Variants in STRBP observed in about 807,000 individuals in gnomAD.
The protein encoded by STRBP is spermatid perinuclear RNA-binding protein.
In STRBP, 13 loss-of-function variants were observed where a neutral mutation model predicts 80.1. The ratio of observed to expected loss-of-function variants is 0.16; its 90% CI spans 0.11 to 0.26. STRBP has a LOEUF of 0.26. STRBP is among the 10% of genes least tolerant of loss of function. The pLI is 1.00. For synonymous variants in STRBP, 284 were observed against 291.2 expected, an observed-to-expected ratio of 0.98 and a Z score of 0.25; for missense variants, 485 against 815.2, an observed-to-expected ratio of 0.59 and a Z score of 4.93.
rs150624298 is a variant in STRBP, at chr9:123,136,438, G to C, written c.1575C>G (p.Leu525=). Residue 525 remains leucine, a synonymous_variant, in exon 15 of 19, where the codon CTC becomes CTG. Coordinates refer to ENST00000348403, the MANE Select transcript of STRBP (RefSeq NM_018387.5). The surrounding 1 kb of genome is among the most constrained non-coding windows in gnomAD (Gnocchi z 4.2). ...CAGTCTCTGAGATGAGTTCATACTT[G>C]AGACCTCTTCTTTTTTCATTGAGCT... The part of the protein sequence containing the change: ...VMELNEKRRG[L]KYELISETGG... 2.5e-6 allele frequency: 4 copies of C among 1,613,990 alleles called. No homozygotes were observed. In the African/African-American group the frequency reaches 4.0e-5, roughly 16 times the overall value.
At chr9:123,111,547 G>A (rs181306653) in intron 3 of STRBP, 12 of 456,760 alleles carry the variant, frequency 2.6e-5, no homozygotes, top group Non-Finnish European at 4.1e-5. Flanking sequence ...TGTAGGCAGG[G>A]GCAGGGCTGG....
chr9:123,188,936 C>T (rs751249620), intron 2 of STRBP, among the ~76,000 whole-genome samples: 6 of 152,066 alleles, frequency 3.9e-5, no homozygotes, highest in African/African-American at 7.2e-5. Context: ...AAAGAACCAC[C>T]GCACATCTAC....
intron 2 of STRBP, among the ~76,000 whole-genome samples, chr9:123,193,534 T>TACTTCTGGCATAA (rs1430906266): frequency 1.3e-5 from 2 of 152,240 alleles, no homozygotes; most frequent in Non-Finnish European, 2.9e-5. Context: ...CACTCAACTT[T>TACTTCTGGCATAA]ACTTCTGGCA....
chr9:123,187,544 T>G (rs1564280002), intron 2 of STRBP, among the ~76,000 whole-genome samples: 1 of 152,214 alleles, frequency 6.6e-6, no homozygotes, highest in Non-Finnish European at 1.5e-5. Context: ...TGTATGTAAA[T>G]TTCTCTGAAA....
rs1284712875 is a variant in STRBP, at chr9:123,124,525, G to C, written c.*1072C>G. On this transcript the variant is annotated 3_prime_UTR_variant, in exon 19 of 19. Transcript: ENST00000348403. ...TCACAGCAGCACTCAACAAGAACTG[G>C]GACAATCGAAGAGCAAGTTTTTATG... 5.1e-6 allele frequency: 5 copies of C among 985,232 alleles called. No individual in the cohort carries two copies. Among genetic ancestry groups the C allele is most frequent in the Non-Finnish European group, 4.8e-6 (4 of 829,940 alleles). 61.0% of individuals were successfully genotyped at this position (985,232 alleles called of 1,614,324 possible). A position where few individuals can be genotyped will look rare whatever the true frequency, so the allele number is the denominator to read the frequency against.
At chr9:123,262,001 C>A (rs1004214618) in intron 1 of STRBP, among the ~76,000 whole-genome samples, 17 of 152,208 alleles carry the variant, frequency 1.1e-4, no homozygotes, top group African/African-American at 3.9e-4. Flanking sequence ...TTAACTTTTA[C>A]AAACCAACCA....
intron 3 of STRBP, chr9:123,113,703 G>A (rs2035603253): frequency 1.2e-5 from 2 of 167,214 alleles, no homozygotes; most frequent in Non-Finnish European, 2.9e-5. Flanking sequence ...GGATGGGAAG[G>A]AAGTTTCCAG....
intron 11 of STRBP, among the ~76,000 whole-genome samples, chr9:123,149,538 T>C (rs1265264712): frequency 6.6e-6 from 1 of 152,188 alleles, no homozygotes; most frequent in Admixed American, 6.5e-5. Context: ...AGCTTCATTC[T>C]ATCATAGCAG....
intron 6 of STRBP, among the ~76,000 whole-genome samples, chr9:123,161,673 T>G (rs2037528753): frequency 6.6e-6 from 1 of 152,170 alleles, no homozygotes; most frequent in African/African-American, 2.4e-5. Flanking sequence ...TAAACCAAAA[T>G]TATTAAAATT....
intron 11 of STRBP, among the ~76,000 whole-genome samples, chr9:123,157,441 T>C (rs1223593651): frequency 6.6e-6 from 1 of 152,174 alleles, no homozygotes; most frequent in South Asian, 2.1e-4. Context: ...AACATGATTA[T>C]GTTACATTAG....
At chr9:123,216,073 T>C (rs2039888375) in intron 2 of STRBP, among the ~76,000 whole-genome samples, 1 of 152,188 alleles carries the variant, frequency 6.6e-6, no homozygotes, top group Non-Finnish European at 1.5e-5. Flanking sequence ...ATCCTTAACA[T>C]CTTAAACCCT....
At chr9:123,237,425 A>G (rs1405873773) in intron 1 of STRBP, among the ~76,000 whole-genome samples, 1 of 152,190 alleles carries the variant, frequency 6.6e-6, no homozygotes, top group Admixed American at 6.5e-5. Flanking sequence ...GTCAGCAAAG[A>G]GAAAGAACAC....
chr9:123,190,713 T>C (rs148999565), intron 2 of STRBP, among the ~76,000 whole-genome samples: 167 of 152,334 alleles, frequency 1.1e-3, no homozygotes, highest in Non-Finnish European at 1.6e-3. Context: ...ACCTAAAATA[T>C]ACTGAATGAG....
At chr9:123,240,337 C>T (rs192258964) in intron 1 of STRBP, among the ~76,000 whole-genome samples, 98 of 152,302 alleles carry the variant, frequency 6.4e-4, no homozygotes, top group African/African-American at 2.1e-3. Flanking sequence ...CTGCCCACCA[C>T]ACCGAAATCT....
chr9:123,190,046 G>C (rs1180589652), intron 2 of STRBP, among the ~76,000 whole-genome samples: 1 of 152,114 alleles, frequency 6.6e-6, no homozygotes, highest in Non-Finnish European at 1.5e-5. Flanking sequence ...TTGGGAGGCA[G>C]AGATGGGTGG....
At chr9:123,169,124 G>A (rs537508500) in intron 6 of STRBP, among the ~76,000 whole-genome samples, 3 of 151,210 alleles carry the variant, frequency 2.0e-5, no homozygotes, top group African/African-American at 2.4e-5. Context: ...CAAATCTTAT[G>A]AGATTATACA....
At chr9:123,248,905 A>C (rs1407830522) in intron 1 of STRBP, among the ~76,000 whole-genome samples, 1 of 152,220 alleles carries the variant, frequency 6.6e-6, no homozygotes, top group Non-Finnish European at 1.5e-5. Flanking sequence ...CGTTTTTCAT[A>C]ATTCATATCT....
intron 5 of STRBP, among the ~76,000 whole-genome samples, chr9:123,173,130 T>A (rs980478286): frequency 3.9e-5 from 6 of 152,054 alleles, no homozygotes; most frequent in Non-Finnish European, 7.4e-5. Context: ...TTCAGCAGCA[T>A]CCTCCAGGGA....
intron 3 of STRBP, chr9:123,111,350 C>T (rs967511691): frequency 1.5e-5 from 4 of 268,478 alleles, no homozygotes; most frequent in East Asian, 3.3e-4. Flanking sequence ...CAGGTGGAGA[C>T]GGAACTTCTC....
Sources: gnomAD v4.1 joint callset for allele counts (sites outside exome capture counted in the v4.1 genomes callset) on GRCh38, gnomAD v4.1.1 for gene constraint, Gnocchi (gnomAD v3.1) non-coding constraint, MANE v1.5 for transcripts, NCBI Gene and HGNC (gene_info 2026-07-23, HGNC 2026-07-21) for gene names.